DACH2: variants seen among roughly 807,000 people sequenced by gnomAD.
The protein encoded by DACH2 is dachshund family transcription factor 2.
In DACH2, 17 loss-of-function variants were observed where a neutral mutation model predicts 35.8. The ratio of observed to expected loss-of-function variants is 0.48; its 90% CI spans 0.33 to 0.71. The LOEUF is 0.71. Ranked by LOEUF, DACH2 falls within the 30% of genes least tolerant of loss-of-function variation. The pLI is 0.02. For missense variants in DACH2, 469 were observed against 472.7 expected (o/e 0.99, Z 0.07); for synonymous variants, 195 against 177.3 (o/e 1.10, Z -0.79).
chrX:86,160,401 C>G, intron 1 of DACH2: 1 of 589,334 alleles, frequency 1.7e-6, no homozygotes, highest in East Asian at 3.4e-5. Context: ...ATGAGGTTGC[C>G]AGGAACCATA....
chrX:86,201,804 AT>A (rs5902899), intron 1 of DACH2, among the ~76,000 whole-genome samples: 7,540 of 110,362 alleles, frequency 0.068, 626 homozygotes, highest in African/African-American at 0.23. Flanking sequence ...GCTTGCTATG[AT>A]TTTACCTTCT....
chrX:86,272,634 A>T (rs911410854), intron 1 of DACH2, among the ~76,000 whole-genome samples: 1 of 111,783 alleles, frequency 8.9e-6, no homozygotes, highest in Non-Finnish European at 1.9e-5. Context: ...AAAACTAGTA[A>T]CATTGAGGAG....
rs1353609663 is a variant in DACH2, at chrX:86,750,607, C to T, written c.1240+10725C>T. Among the ~76,000 whole-genome samples, 10 of 110,920 alleles carry T rather than the reference C, an allele frequency of 9.0e-5. No individual in the cohort carries two copies. The East Asian group carries it at 2.3e-3, about 25-fold the overall frequency. ...GCAACTCTCCATGTCTCTCTCTCTACAGCTCCTGGCGACGACTATTCACTC... is the reference window on the plus strand; with the variant it reads ...GCAACTCTCCATGTCTCTCTCTCTATAGCTCCTGGCGACGACTATTCACTC... On this transcript the variant is annotated intron_variant, in intron 7 of 11. Transcript: ENST00000373125.
chrX:86,198,488 G>A (rs183302196), intron 1 of DACH2, among the ~76,000 whole-genome samples: 50 of 111,127 alleles, frequency 4.5e-4, no homozygotes, highest in African/African-American at 1.5e-3. Context: ...CCAGGTGTTA[G>A]TTTTTCTTTT....
At chrX:86,338,882 A>T (rs1286530786) in intron 1 of DACH2, among the ~76,000 whole-genome samples, 1 of 112,184 alleles carries the variant, frequency 8.9e-6, no homozygotes, top group Non-Finnish European at 1.9e-5. Flanking sequence ...GATAAAGGGG[A>T]TATCACCACT....
chrX:86,186,417 A>G lies in DACH2; in HGVS notation c.488+37309A>G, dbSNP rs556711930. On this transcript the variant is annotated intron_variant, in intron 1 of 11. Transcript: ENST00000373125. Reference sequence around the variant, plus strand: ...AATTTATTTTGAAAGTCACTTATTTATTGAACTTATCAATAAACATTCCAA... The same window carrying G: ...AATTTATTTTGAAAGTCACTTATTTGTTGAACTTATCAATAAACATTCCAA... Among the ~76,000 whole-genome samples, 41 of 112,412 alleles carry G rather than the reference A, an allele frequency of 3.6e-4. No homozygotes were observed. In the South Asian group the frequency reaches 0.014, roughly 37 times the overall value.
At chrX:86,440,932 T>G (rs1052832222) in intron 2 of DACH2, among the ~76,000 whole-genome samples, 3 of 111,125 alleles carry the variant, frequency 2.7e-5, no homozygotes, top group African/African-American at 9.8e-5. Flanking sequence ...GCAGAGATTA[T>G]CCCTCTTATG....
chrX:86,668,266 T>C (rs2040723415), intron 4 of DACH2, among the ~76,000 whole-genome samples: 1 of 112,071 alleles, frequency 8.9e-6, no homozygotes, highest in African/African-American at 3.2e-5. Flanking sequence ...TACCAAGCAA[T>C]AGAGAAGGAA....
At chrX:86,436,165 T>C (rs1250640441) in intron 2 of DACH2, among the ~76,000 whole-genome samples, 2 of 110,928 alleles carry the variant, frequency 1.8e-5, no homozygotes, top group Non-Finnish European at 3.8e-5. Flanking sequence ...GACTATACCA[T>C]AAATCCTGAA....
intron 2 of DACH2, among the ~76,000 whole-genome samples, chrX:86,389,118 G>A (rs1326480596): frequency 6.3e-5 from 7 of 111,746 alleles, no homozygotes; most frequent in Non-Finnish European, 1.3e-4. Flanking sequence ...CTACTCATTC[G>A]TAGTATCAAC....
intron 1 of DACH2, among the ~76,000 whole-genome samples, chrX:86,324,602 G>A (rs2035077057): frequency 1.4e-5 from 1 of 71,355 alleles, no homozygotes; most frequent in Non-Finnish European, 2.4e-5. Context: ...TTTTTGAGAT[G>A]GCGTCTCACT....
intron 3 of DACH2, among the ~76,000 whole-genome samples, chrX:86,531,588 G>A (rs1005579770): frequency 1.8e-5 from 2 of 112,543 alleles, no homozygotes; most frequent in Admixed American, 1.9e-4. Flanking sequence ...CAAGAGTTAA[G>A]GTTTCAGAAC....
chrX:86,194,292 T>C (rs1472738913), intron 1 of DACH2, among the ~76,000 whole-genome samples: 1 of 111,872 alleles, frequency 8.9e-6, no homozygotes, highest in Non-Finnish European at 1.9e-5. Context: ...AAGAAACTTA[T>C]ATACTCACTA....
intron 2 of DACH2, among the ~76,000 whole-genome samples, chrX:86,464,161 C>A (rs759964134): frequency 9.0e-6 from 1 of 110,724 alleles, no homozygotes; most frequent in Non-Finnish European, 1.9e-5. Flanking sequence ...CCAGTAATCC[C>A]ATTACTGGGT....
intron 1 of DACH2, among the ~76,000 whole-genome samples, chrX:86,252,891 A>T (rs993324953): frequency 1.5e-4 from 17 of 110,588 alleles, no homozygotes; most frequent in African/African-American, 5.6e-4. Context: ...CTTCTATTCA[A>T]CATAGTATTG....
At chrX:86,275,182 G>A (rs1016098694) in intron 1 of DACH2, among the ~76,000 whole-genome samples, 4 of 111,641 alleles carry the variant, frequency 3.6e-5, no homozygotes, top group African/African-American at 6.5e-5. Flanking sequence ...ATATAACGAA[G>A]CAATATACTA....
At chrX:86,593,906 G>T (rs1262171146) in intron 3 of DACH2, among the ~76,000 whole-genome samples, 1 of 111,420 alleles carries the variant, frequency 9.0e-6, no homozygotes, top group African/African-American at 3.3e-5. Flanking sequence ...TTCTGGAAAA[G>T]ATTATGGAGA....
intron 1 of DACH2, among the ~76,000 whole-genome samples, chrX:86,180,492 A>G (rs1386065731): frequency 9.1e-6 from 1 of 110,278 alleles, no homozygotes; most frequent in Non-Finnish European, 1.9e-5. Flanking sequence ...TATCCAAAAT[A>G]GAACATAAAC....
At position 86,282,774 on chromosome X, in the gene DACH2, C is replaced by CTTTTTTTTTTT; in HGVS notation, c.489-94039_489-94029dup. On this transcript the variant is annotated intron_variant, in intron 1 of 11. Transcript: ENST00000373125. ...GGGCAAATGCTATGAACAGACACTT[C>CTTTTTTTTTTT]TTTTTTTTTTTTTTTTTTTTTGAGA... 5.0e-4 allele frequency among the ~76,000 whole-genome samples: 19 copies of CTTTTTTTTTTT among 37,716 alleles called. 4 individuals carry two copies. In the African/African-American group the frequency reaches 5.8e-3, roughly 12 times the overall value. The allele number at this position is 37,716 out of a possible 115,157, so 32.8% of individuals were successfully genotyped here. A position where few individuals can be genotyped will look rare whatever the true frequency, so the allele number is the denominator to read the frequency against.
Sources: allele counts gnomAD v4.1 joint callset (sites outside exome capture counted in the v4.1 genomes callset), GRCh38; gene constraint gnomAD v4.1.1; transcripts MANE v1.5; gene names NCBI Gene and HGNC (gene_info 2026-07-23, HGNC 2026-07-21).